Variants in MAP2K5 observed in about 807,000 individuals in gnomAD.
MAP2K5 encodes the protein mitogen-activated protein kinase kinase 5.
MAP2K5 carries 49 observed loss-of-function variants against 83.1 expected under a neutral mutation model. The observed-to-expected ratio is 0.59, with a 90% confidence interval of 0.47 to 0.75. MAP2K5 has a LOEUF of 0.75. MAP2K5 is among the 30% of genes least tolerant of loss of function. The pLI is 0.00. For missense variants in MAP2K5, 457 were observed against 557.5 expected, an observed-to-expected ratio of 0.82 and a Z score of 1.82; for synonymous variants, 202 against 191.8, an observed-to-expected ratio of 1.05 and a Z score of -0.44.
In MAP2K5 at chr15:67,678,962, C is replaced by CAAAA. The variant is rs35828534; in HGVS notation, c.848-13502_848-13499dup. On this transcript the variant is annotated intron_variant, in intron 13 of 21. Coordinates refer to ENST00000178640, the MANE Select transcript of MAP2K5 (RefSeq NM_145160.3). ...CTGGCAACCGAGTGACACTGCATCT[C>CAAAA]AAAAAAAAAAAAAAAAAAGAACTAA... is the stretch of plus-strand genomic sequence containing the variant. 0.011 allele frequency among the ~76,000 whole-genome samples: 1,234 copies of CAAAA among 115,772 alleles called. 63 individuals carry two copies. The East Asian group carries it at 0.11, about 10-fold the overall frequency. The allele number at this position is 115,772 out of a possible 152,430, so 76.0% of individuals were successfully genotyped here.
At chr15:67,745,284 T>C (rs1054347564) in intron 17 of MAP2K5, among the ~76,000 whole-genome samples, 6 of 152,234 alleles carry the variant, frequency 3.9e-5, no homozygotes, top group African/African-American at 1.4e-4. Context: ...AACAATATTA[T>C]TGCGTTCCTC....
chr15:67,557,489 G>A (rs2084652181), intron 2 of MAP2K5, among the ~76,000 whole-genome samples: 3 of 152,180 alleles, frequency 2.0e-5, no homozygotes, highest in Admixed American at 1.3e-4. Context: ...TATTGAATTT[G>A]TGCCTTTCTT....
chr15:67,657,612 A>C (rs1206426797), intron 11 of MAP2K5, among the ~76,000 whole-genome samples: 1 of 151,548 alleles, frequency 6.6e-6, no homozygotes, highest in East Asian at 1.9e-4. Flanking sequence ...TTAGTTACAC[A>C]GTGGTTTCCC....
At position 67,563,750 on chromosome 15, in the gene MAP2K5, T is replaced by C. The variant is rs1396674255; in HGVS notation, c.252+400T>C. Among the ~76,000 whole-genome samples the C allele has an allele frequency of 6.6e-6, 1 of 152,196 alleles. No homozygotes were observed. Among genetic ancestry groups the C allele is most frequent in the East Asian group, 1.9e-4 (1 of 5,200 alleles). Reference sequence around the variant, plus strand: ...TCCAGACTATAGTTTACAATGTAGCTGCAGGCTTAATATGGATACACGATT... The same window carrying C: ...TCCAGACTATAGTTTACAATGTAGCCGCAGGCTTAATATGGATACACGATT... On this transcript the variant is annotated intron_variant, in intron 3 of 21. Coordinates refer to ENST00000178640, the MANE Select transcript of MAP2K5 (RefSeq NM_145160.3). The surrounding 1 kb of genome is among the most constrained non-coding windows in gnomAD (Gnocchi z 4.5).
intron 17 of MAP2K5, among the ~76,000 whole-genome samples, chr15:67,744,096 T>C (rs1362282018): frequency 6.6e-6 from 1 of 152,228 alleles, no homozygotes. Context: ...AGATCATCTC[T>C]GGGGTTCCTT....
intron 19 of MAP2K5, among the ~76,000 whole-genome samples, chr15:67,756,515 C>CTGTGTG (rs200627656): frequency 0.022 from 2,873 of 131,512 alleles, 47 homozygotes; most frequent in Middle Eastern, 0.052. Context: ...CACACAGTTA[C>CTGTGTG]TGTGTGTGTG....
intron 21 of MAP2K5, among the ~76,000 whole-genome samples, chr15:67,804,499 C>A (rs949382200): frequency 3.3e-5 from 5 of 152,254 alleles, no homozygotes; most frequent in African/African-American, 1.2e-4. Context: ...CTGAGTATGG[C>A]TGCAGCTGAG....
intron 1 of MAP2K5, among the ~76,000 whole-genome samples, chr15:67,548,279 G>T (rs1178652079): frequency 2.0e-5 from 3 of 152,216 alleles, no homozygotes; most frequent in Non-Finnish European, 4.4e-5. Flanking sequence ...TGGGGATGAA[G>T]CAGTTGTTTT....
chr15:67,571,626 A>G (rs2140978825), intron 3 of MAP2K5, among the ~76,000 whole-genome samples: 1 of 152,200 alleles, frequency 6.6e-6, no homozygotes, highest in Non-Finnish European at 1.5e-5. Context: ...ACTTTTTAAG[A>G]AGGTTTCCCA....
intron 11 of MAP2K5, 41 bp downstream of exon 11, chr15:67,646,510 G>A: frequency 8.4e-7 from 1 of 1,194,238 alleles, no homozygotes; most frequent in Non-Finnish European, 1.2e-6. Context: ...ATGATTTTTA[G>A]AGTATATAGT....
At chr15:67,574,849 A>G (rs968264153) in intron 3 of MAP2K5, among the ~76,000 whole-genome samples, 1 of 152,242 alleles carries the variant, frequency 6.6e-6, no homozygotes, top group Non-Finnish European at 1.5e-5. Context: ...CCTGGGCGAC[A>G]GAGTGAGACT....
chr15:67,651,464 ATCTTAT>A (rs1367291084), intron 11 of MAP2K5, among the ~76,000 whole-genome samples: 2 of 152,070 alleles, frequency 1.3e-5, no homozygotes, highest in Non-Finnish European at 2.9e-5. Context: ...CAAACACTGG[ATCTTAT>A]TCTTTCTATC....
intron 4 of MAP2K5, among the ~76,000 whole-genome samples, chr15:67,581,733 T>G (rs2085182368): frequency 6.6e-6 from 1 of 152,218 alleles, no homozygotes; most frequent in East Asian, 1.9e-4. Flanking sequence ...TTTGAATGGC[T>G]CAATTAACCA....
intron 8 of MAP2K5, among the ~76,000 whole-genome samples, chr15:67,607,978 GT>G (rs1230731718): frequency 6.6e-6 from 1 of 152,138 alleles, no homozygotes; most frequent in Non-Finnish European, 1.5e-5. Flanking sequence ...GAATCTAAGT[GT>G]TTCAACTTCA....
At position 67,585,935 on chromosome 15, in the gene MAP2K5, G is replaced by C. The variant is rs369546612; in HGVS notation, c.363+5G>C. On this transcript the variant is annotated splice_donor_5th_base_variant and intron_variant, in intron 5 of 21. Transcript: ENST00000178640. ...CGGAACATACATGGCCTGAAGGTACGAATTTCAATAATTGTTTCAGTAAAG... is the reference window on the plus strand; with the variant it reads ...CGGAACATACATGGCCTGAAGGTACCAATTTCAATAATTGTTTCAGTAAAG... 9.9e-6 allele frequency: 16 copies of C among 1,612,410 alleles called. No homozygotes were observed. Among genetic ancestry groups the C allele is most frequent in the Non-Finnish European group, 1.4e-5 (16 of 1,178,460 alleles).
chr15:67,589,966 C>T (rs2085362354), intron 6 of MAP2K5, among the ~76,000 whole-genome samples: 1 of 152,150 alleles, frequency 6.6e-6, no homozygotes, highest in Admixed American at 6.5e-5. Context: ...ATGCCTAGCA[C>T]ATGGTCATCA....
intron 21 of MAP2K5, among the ~76,000 whole-genome samples, chr15:67,797,744 G>A (rs779713975): frequency 1.1e-4 from 16 of 151,972 alleles, no homozygotes; most frequent in South Asian, 2.1e-4. Flanking sequence ...GTGCAGTGGC[G>A]TGATCTCGGC....
intron 17 of MAP2K5, among the ~76,000 whole-genome samples, chr15:67,737,745 A>G (rs2089373772): frequency 6.6e-6 from 1 of 151,456 alleles, no homozygotes; most frequent in Non-Finnish European, 1.5e-5. Context: ...AAGGCAGCCA[A>G]TTGGAACCAA....
At chr15:67,694,607 C>T (rs2088199851) in intron 15 of MAP2K5, among the ~76,000 whole-genome samples, 1 of 152,084 alleles carries the variant, frequency 6.6e-6, no homozygotes, top group African/African-American at 2.4e-5. Context: ...AGTCAGGAAA[C>T]AACAGGTGCT....
Sources: gnomAD v4.1 joint callset for allele counts (sites outside exome capture counted in the v4.1 genomes callset) on GRCh38, gnomAD v4.1.1 for gene constraint, Gnocchi (gnomAD v3.1) non-coding constraint, MANE v1.5 for transcripts, NCBI Gene and HGNC (gene_info 2026-07-23, HGNC 2026-07-21) for gene names.